Variants in CFAP61 observed in about 807,000 individuals in gnomAD.
The protein encoded by CFAP61 is cilia and flagella associated protein 61.
Under a neutral mutation model 135.6 loss-of-function variants are expected in CFAP61, and 107 were observed. The ratio of observed to expected loss-of-function variants is 0.79; its 90% CI spans 0.67 to 0.93. CFAP61 has a LOEUF of 0.93. Among genes scored for constraint, CFAP61 ranks in the 40% least tolerant of loss-of-function variants. The pLI, the probability that CFAP61 is intolerant of heterozygous loss-of-function variation, is 0.00. For synonymous variants in CFAP61, 575 were observed against 578.5 expected (o/e 0.99, Z 0.09); for missense variants, 1,507 against 1,556.2 (o/e 0.97, Z 0.53).
chr20:20,290,674 C>T (rs974397753), intron 24 of CFAP61, among the ~76,000 whole-genome samples: 1 of 152,212 alleles, frequency 6.6e-6, no homozygotes, highest in African/African-American at 2.4e-5. Flanking sequence ...AAGAAAGATA[C>T]GACAGCTTCC....
At chr20:20,143,612 G>T (rs2051600717) in intron 9 of CFAP61, among the ~76,000 whole-genome samples, 1 of 152,214 alleles carries the variant, frequency 6.6e-6, no homozygotes, top group Non-Finnish European at 1.5e-5. Context: ...ACAAAGGCCA[G>T]CGATGCCTGG....
chr20:20,209,776 T>C (rs1361763028), intron 17 of CFAP61, among the ~76,000 whole-genome samples: 10 of 152,184 alleles, frequency 6.6e-5, no homozygotes, highest in Admixed American at 6.5e-4. Context: ...CAGGAGCTCA[T>C]GGACATGGAA....
chr20:20,220,099 T>G (rs1163849485), intron 17 of CFAP61: 2 of 152,322 alleles, frequency 1.3e-5, no homozygotes, highest in Non-Finnish European at 2.9e-5. Context: ...CATTAGAGGG[T>G]TGGAACTTTC....
intron 9 of CFAP61, among the ~76,000 whole-genome samples, chr20:20,153,461 A>T (rs977426563): frequency 1.3e-5 from 2 of 152,184 alleles, no homozygotes; most frequent in African/African-American, 4.8e-5. Context: ...CAAAATTGAT[A>T]GACCATTACC....
At chr20:20,358,003 G>A (rs2059313949) in intron 26 of CFAP61, among the ~76,000 whole-genome samples, 1 of 142,612 alleles carries the variant, frequency 7.0e-6, no homozygotes, top group South Asian at 2.4e-4. Flanking sequence ...GTGAGGGGAG[G>A]TGGTCACAGT....
chr20:20,227,913 G>A (rs183912454), intron 17 of CFAP61, among the ~76,000 whole-genome samples: 53 of 152,292 alleles, frequency 3.5e-4, no homozygotes, highest in African/African-American at 1.3e-3. Flanking sequence ...TTCTCAGGGA[G>A]TAGCTTGCCT....
rs141195169 is a variant in CFAP61, at chr20:20,359,439, C to G, written c.3514-771C>G. Among the ~76,000 whole-genome samples, 1,389 of 151,984 alleles carry G rather than the reference C, an allele frequency of 9.1e-3. 12 individuals are homozygous for G. Among genetic ancestry groups the G allele is most frequent in the African/African-American group, 0.029 (1,197 of 41,432 alleles). On this transcript the variant is annotated intron_variant, in intron 26 of 26. Transcript: ENST00000245957. The surrounding 1 kb of genome is among the most constrained non-coding windows in gnomAD (Gnocchi z 4.0). ...CAGCACTTTGGGAGGCCGAGGTGGG[C>G]AGATCACCTGAGGTCGGGAGTTCAA...
intron 25 of CFAP61, among the ~76,000 whole-genome samples, chr20:20,330,478 G>A (rs573115203): frequency 1.3e-5 from 2 of 152,228 alleles, no homozygotes; most frequent in South Asian, 2.1e-4. Context: ...TGGGATTACA[G>A]GCATGTGACA....
intron 17 of CFAP61, among the ~76,000 whole-genome samples, chr20:20,206,002 G>GC (rs2056842568): frequency 6.6e-6 from 1 of 151,966 alleles, no homozygotes. Context: ...TTGGGGTGGG[G>GC]GTTGGGTGGA....
chr20:20,181,451 C>CA (rs2055095210), intron 13 of CFAP61, among the ~76,000 whole-genome samples: 2 of 151,820 alleles, frequency 1.3e-5, no homozygotes, highest in African/African-American at 4.8e-5. Flanking sequence ...CAAAGTCAGC[C>CA]AAAAACAGGA....
Position 20,164,112 on chromosome 20 carries a change from G to C in CFAP61, c.1089G>C (p.Arg363Ser), listed in dbSNP as rs1009959589. 4.3e-6 allele frequency: 7 copies of C among 1,613,954 alleles called. No individual in the cohort carries two copies. The highest frequency in any genetic ancestry group is 5.9e-6 in the Non-Finnish European group (7 of 1,179,970). Residue 363 changes from arginine to serine, a missense_variant, in exon 11 of 27, where the codon AGG becomes AGC. Transcript: ENST00000245957. ...GYAQYHHVSSRSLASLVLPEE... is the reference protein window; with the variant it reads ...GYAQYHHVSSSSLASLVLPEE... ...CACAGTATCACCATGTCAGCAGTAGGAGCTTGGCATCGCTCGTACTGCCTG... is the reference window on the plus strand; with the variant it reads ...CACAGTATCACCATGTCAGCAGTAGCAGCTTGGCATCGCTCGTACTGCCTG...
At chr20:20,303,735 C>A (rs991199418) in intron 25 of CFAP61, among the ~76,000 whole-genome samples, 1 of 152,154 alleles carries the variant, frequency 6.6e-6, no homozygotes, top group Admixed American at 6.5e-5. Flanking sequence ...TCGTTCAGAC[C>A]AGGCACGTTT....
At chr20:20,188,300 A>G (rs896927454) in intron 14 of CFAP61, among the ~76,000 whole-genome samples, 2 of 152,204 alleles carry the variant, frequency 1.3e-5, no homozygotes, top group Non-Finnish European at 2.9e-5. Context: ...AGGAAGATAG[A>G]AAATTTGGAC....
intron 25 of CFAP61, among the ~76,000 whole-genome samples, chr20:20,318,013 A>G (rs2057234990): frequency 6.6e-6 from 1 of 152,194 alleles, no homozygotes; most frequent in South Asian, 2.1e-4. Context: ...CAGGATATTC[A>G]CATGGACTGG....
chr20:20,276,057 T>C (rs1927332), intron 21 of CFAP61, among the ~76,000 whole-genome samples: 15,019 of 152,248 alleles, frequency 0.099, 812 homozygotes, highest in Non-Finnish European at 0.12. Context: ...TATGGGAGAA[T>C]TTTCTAGATG....
intron 6 of CFAP61, among the ~76,000 whole-genome samples, chr20:20,082,724 G>A (rs2046515482): frequency 6.6e-6 from 1 of 152,156 alleles, no homozygotes; most frequent in Non-Finnish European, 1.5e-5. Flanking sequence ...GCTCAACCTT[G>A]TTGCTTTTTA....
intron 8 of CFAP61, among the ~76,000 whole-genome samples, chr20:20,141,497 C>T (rs572829285): frequency 6.6e-6 from 1 of 152,190 alleles, no homozygotes; most frequent in Non-Finnish European, 1.5e-5. Context: ...GTGATTTACC[C>T]TCTCTTCTCA....
At chr20:20,355,412 G>A (rs2059062571) in intron 26 of CFAP61, among the ~76,000 whole-genome samples, 1 of 60,414 alleles carries the variant, frequency 1.7e-5, no homozygotes. Context: ...CACTGTGAGG[G>A]GAGGTGGTCA....
chr20:20,288,281 A>G lies in CFAP61; in HGVS notation c.2797-328A>G, dbSNP rs564234598. ...CTAGAGCTGTTCAAAATGTAGGAGC[A>G]TGAGGGGAAGGCAGGGTCTGTACAA... On this transcript the variant is annotated intron_variant, in intron 22 of 26. Transcript: ENST00000245957. 3.3e-5 allele frequency among the ~76,000 whole-genome samples: 5 copies of G among 152,338 alleles called. No homozygotes were observed. The South Asian group carries it at 1.0e-3, about 32-fold the overall frequency.
Sources: gnomAD v4.1 joint callset for allele counts (sites outside exome capture counted in the v4.1 genomes callset) on GRCh38, gnomAD v4.1.1 for gene constraint, Gnocchi (gnomAD v3.1) non-coding constraint, MANE v1.5 for transcripts, NCBI Gene and HGNC (gene_info 2026-07-23, HGNC 2026-07-21) for gene names.